The following MLYCD variants were observed in gnomAD, a reference collection of about 807,000 sequenced individuals.
The protein encoded by MLYCD is malonyl-CoA decarboxylase, mitochondrial.
In MLYCD, 27 loss-of-function variants were observed where a neutral mutation model predicts 35.8. That is an observed-to-expected ratio of 0.75 (90% confidence interval 0.56 to 1.04). The LOEUF is 1.04. MLYCD is among the 50% of genes least tolerant of loss of function. MLYCD has a pLI of 0.00. For synonymous variants in MLYCD, 403 were observed against 302.4 expected (o/e 1.33, Z -3.45); for missense variants, 917 against 665.1 (o/e 1.38, Z -4.17).
rs1280567326 is a variant in MLYCD at position 83,906,981 on chromosome 16, T to A, written c.529-6T>A. On this transcript the variant is annotated splice_polypyrimidine_tract_variant and splice_region_variant and intron_variant, in intron 1 of 4. Transcript: ENST00000262430. The stretch of plus-strand genomic sequence containing the variant: ...GGAGGCCTGGGATTTATCTTCTCCT[T>A]TTCAGGAAATGAATGGGGTGCTGAA... 6.2e-7 allele frequency: 1 copy of A among 1,613,288 alleles called. No individual in the cohort carries two copies. The highest frequency in any genetic ancestry group is 8.5e-7 in the Non-Finnish European group (1 of 1,179,222).
rs545195059 is a variant in MLYCD at position 83,915,871 on chromosome 16, G to T, written c.*382G>T. On this transcript the variant is annotated 3_prime_UTR_variant, in exon 5 of 5. Transcript: ENST00000262430. ...GGCATCCTCCTAAGGACCGGGGCGC[G>T]TGGCCCAGATAAGAATAGGTGTTCC... 2.6e-3 allele frequency: 3,094 copies of T among 1,176,222 alleles called. 9 individuals carry two copies. Among genetic ancestry groups the T allele is most frequent in the Non-Finnish European group, 3.1e-3 (2,928 of 940,336 alleles). 72.9% of individuals were successfully genotyped at this position (1,176,222 alleles called of 1,614,324 possible). A position where few individuals can be genotyped will look rare whatever the true frequency, so the allele number is the denominator to read the frequency against.
intron 1 of MLYCD, among the ~76,000 whole-genome samples, 177 bp downstream of exon 1, chr16:83,899,849 C>G (rs75986766): frequency 1.3e-5 from 2 of 152,196 alleles, no homozygotes; most frequent in African/African-American, 4.8e-5. Flanking sequence ...GAGTCCTGGC[C>G]TCGTCAGAGC....
At chr16:83,906,944 C>G (rs780681979) in intron 1 of MLYCD, 43 bp from the exon 2 acceptor site, 2 of 1,514,570 alleles carry the variant, frequency 1.3e-6, no homozygotes, top group African/African-American at 1.4e-5. Flanking sequence ...TGGGCTTGAT[C>G]TGTCGCACAT....
In MLYCD at chr16:83,915,889, G is replaced by T. The variant is rs1907367429; in HGVS notation, c.*400G>T. The T allele has an allele frequency of 1.8e-6, 2 of 1,142,330 alleles. No individual in the cohort carries two copies. The highest frequency in any genetic ancestry group is 1.6e-5 in the African/African-American group (1 of 62,890). 70.8% of individuals were successfully genotyped at this position (1,142,330 alleles called of 1,614,324 possible). ...GGGGCGCGTGGCCCAGATAAGAATA[G>T]GTGTTCCTTTGTGCTCATAAAACAG... On this transcript the variant is annotated 3_prime_UTR_variant, in exon 5 of 5. Coordinates refer to ENST00000262430, the MANE Select transcript of MLYCD (RefSeq NM_012213.3).
In MLYCD at chr16:83,917,214, C is replaced by T. The variant is rs1463035900; in HGVS notation, c.*1725C>T. The stretch of plus-strand genomic sequence containing the variant: ...CAGTGCACGTCTGTGTGTGCACGAG[C>T]GTCTCTGTGTGGATCAGTGCACGTC... On this transcript the variant is annotated 3_prime_UTR_variant, in exon 5 of 5. Transcript: ENST00000262430. 1.4e-5 allele frequency: 2 copies of T among 138,506 alleles called. No homozygotes were observed. The highest frequency in any genetic ancestry group is 3.0e-5 in the Non-Finnish European group (2 of 67,264). The allele number at this position is 138,506 out of a possible 1,614,324, so 8.6% of individuals were successfully genotyped here.
chr16:83,910,956 C>T (rs1161881635), intron 3 of MLYCD, among the ~76,000 whole-genome samples: 1 of 152,094 alleles, frequency 6.6e-6, no homozygotes, highest in African/African-American at 2.4e-5. Flanking sequence ...CATAGACTCA[C>T]ACATTCCATA....
chr16:83,899,867 C>T (rs1157865350), intron 1 of MLYCD, among the ~76,000 whole-genome samples, 195 bp downstream of exon 1: 1 of 152,234 alleles, frequency 6.6e-6, no homozygotes, highest in East Asian at 1.9e-4. Flanking sequence ...AGCACACCCC[C>T]GCCTTCCTCC....
intron 3 of MLYCD, 111 bp from the exon 4 acceptor site, chr16:83,912,107 T>C (rs1183889613): frequency 3.4e-6 from 5 of 1,491,720 alleles, no homozygotes; most frequent in South Asian, 2.3e-5. Flanking sequence ...CCGAGGTCTC[T>C]TCCAGCTCCT....
chr16:83,911,970 T>C, intron 3 of MLYCD: 1 of 528,448 alleles, frequency 1.9e-6, no homozygotes, highest in Admixed American at 3.2e-5. Context: ...CAACAAAGTT[T>C]GCATGAAAAT....
Position 83,923,173 on chromosome 16 carries a change from G to C in MLYCD, c.*7684G>C, listed in dbSNP as rs1163351605. 1 of 152,270 alleles carries C rather than the reference G, an allele frequency of 6.6e-6. No individual in the cohort carries two copies. Among genetic ancestry groups the C allele is most frequent in the Non-Finnish European group, 1.5e-5 (1 of 68,074 alleles). The allele number at this position is 152,270 out of a possible 1,614,324, so 9.4% of individuals were successfully genotyped here. Reference sequence around the variant, plus strand: ...ACAACCAAGAGTTGCTCCCAAGAGGGCTTCCCTCCTCCTCGTTCTGTGTGG... The same window carrying C: ...ACAACCAAGAGTTGCTCCCAAGAGGCCTTCCCTCCTCCTCGTTCTGTGTGG... On this transcript the variant is annotated 3_prime_UTR_variant, in exon 5 of 5. Transcript: ENST00000262430.
chr16:83,918,032 C>G lies in MLYCD; in HGVS notation c.*2543C>G, dbSNP rs1907490174. On this transcript the variant is annotated 3_prime_UTR_variant, in exon 5 of 5. Transcript: ENST00000262430. ...GTAGATGTCAGTCATCCCCAAGTCA[C>G]TAGGAACTAGCACGCCTGAGGTAGG... 6.6e-6 allele frequency: 1 copy of G among 152,230 alleles called. No individual in the cohort carries two copies. The highest frequency in any genetic ancestry group is 1.5e-5 in the Non-Finnish European group (1 of 68,046). 9.4% of individuals were successfully genotyped at this position (152,230 alleles called of 1,614,324 possible).
At position 83,915,999 on chromosome 16, in the gene MLYCD, G is replaced by A. The variant is rs1027597818; in HGVS notation, c.*510G>A. On this transcript the variant is annotated 3_prime_UTR_variant, in exon 5 of 5. Transcript: ENST00000262430. ...GTGCTACACTTCCCAGTTACATTCT[G>A]AAGCTCATAAATGTATGAGAAGGTT... 7.9e-6 allele frequency: 8 copies of A among 1,009,988 alleles called. No individual in the cohort carries two copies. Among genetic ancestry groups the A allele is most frequent in the Non-Finnish European group, 9.5e-6 (8 of 842,900 alleles). The allele number at this position is 1,009,988 out of a possible 1,614,324, so 62.6% of individuals were successfully genotyped here. A position where few individuals can be genotyped will look rare whatever the true frequency, so the allele number is the denominator to read the frequency against.
Position 83,920,755 on chromosome 16 carries a change from C to T in MLYCD, c.*5266C>T. On this transcript the variant is annotated 3_prime_UTR_variant, in exon 5 of 5. Transcript: ENST00000262430. ...CATATGTAAAAGCAGGGAGAAATTG[C>T]ATAACGAACCTACAGACCTATCACC... The T allele has an allele frequency of 6.6e-6, 1 of 152,354 alleles. No homozygotes were observed. Among genetic ancestry groups the T allele is most frequent in the East Asian group, 1.9e-4 (1 of 5,178 alleles). The allele number at this position is 152,354 out of a possible 1,614,324, so 9.4% of individuals were successfully genotyped here.
intron 2 of MLYCD, among the ~76,000 whole-genome samples, chr16:83,907,809 A>G (rs541987958): frequency 3.9e-4 from 60 of 152,252 alleles, no homozygotes; most frequent in Middle Eastern, 6.8e-3. Flanking sequence ...GAAAGAAAAG[A>G]CAGTGTTCAA....
chr16:83,902,427 A>G (rs8062640), intron 1 of MLYCD, among the ~76,000 whole-genome samples: 22,557 of 150,684 alleles, frequency 0.15, 2,461 homozygotes, highest in African/African-American at 0.31. Flanking sequence ...CCTATAAACT[A>G]TCAACTGGGA....
At chr16:83,905,283 GTTCT>G (rs1906935224) in intron 1 of MLYCD, among the ~76,000 whole-genome samples, 1 of 151,984 alleles carries the variant, frequency 6.6e-6, no homozygotes. Context: ...TGCCCATTGT[GTTCT>G]TTATGACCCT....
chr16:83,903,229 G>GA (rs1190922565), intron 1 of MLYCD, among the ~76,000 whole-genome samples: 10 of 152,192 alleles, frequency 6.6e-5, no homozygotes, highest in African/African-American at 2.4e-4. Context: ...AACTAGAGAA[G>GA]GGACCTGGTT....
At position 83,916,081 on chromosome 16, in the gene MLYCD, C is replaced by T; in HGVS notation, c.*592C>T. Reference sequence around the variant, plus strand: ...TAAATTGTTGAACACAAAAATGTTGCTGCTTGAGGCATAAGTTGGATAATA... The same window carrying T: ...TAAATTGTTGAACACAAAAATGTTGTTGCTTGAGGCATAAGTTGGATAATA... On this transcript the variant is annotated 3_prime_UTR_variant, in exon 5 of 5. Transcript: ENST00000262430. 1 of 996,742 alleles carries T rather than the reference C, an allele frequency of 1.0e-6. No individual in the cohort carries two copies. The highest frequency in any genetic ancestry group is 4.4e-5 in the South Asian group (1 of 22,568). The allele number at this position is 996,742 out of a possible 1,614,324, so 61.7% of individuals were successfully genotyped here. A position where few individuals can be genotyped will look rare whatever the true frequency, so the allele number is the denominator to read the frequency against.
At chr16:83,904,293 A>G (rs1052428796) in intron 1 of MLYCD, among the ~76,000 whole-genome samples, 15 of 152,188 alleles carry the variant, frequency 9.9e-5, no homozygotes, top group African/African-American at 3.6e-4. Context: ...GGGATGGTCC[A>G]TAGATAAGTA....
Sources: gnomAD v4.1 joint callset for allele counts (sites outside exome capture counted in the v4.1 genomes callset) on GRCh38, gnomAD v4.1.1 for gene constraint, MANE v1.5 for transcripts, NCBI Gene and HGNC (gene_info 2026-07-23, HGNC 2026-07-21) for gene names.